The following MIPOL1 variants were observed in gnomAD, a reference collection of about 807,000 sequenced individuals.
MIPOL1 encodes the protein mirror-image polydactyly gene 1 protein.
A neutral mutation model predicts 60.9 loss-of-function variants in MIPOL1; 57 were observed. The observed-to-expected ratio is 0.94, with a 90% CI of 0.76 to 1.17. The LOEUF is 1.17. Among genes scored for constraint, MIPOL1 ranks in the 50% most tolerant of loss-of-function variants. MIPOL1 has a pLI of 0.00. For synonymous variants in MIPOL1, 179 were observed against 168.8 expected (o/e 1.06, Z -0.47); for missense variants, 551 against 511.6 (o/e 1.08, Z -0.74).
intron 11 of MIPOL1, among the ~76,000 whole-genome samples, chr14:37,434,959 C>G (rs1019464054): frequency 6.6e-6 from 1 of 151,776 alleles, no homozygotes; most frequent in Non-Finnish European, 1.5e-5. Flanking sequence ...TTAACCATCA[C>G]ACGTGCATTT....
At chr14:37,488,590 T>G (rs2094991024) in intron 11 of MIPOL1, among the ~76,000 whole-genome samples, 1 of 150,268 alleles carries the variant, frequency 6.7e-6, no homozygotes, top group African/African-American at 2.4e-5. Context: ...TTCTTTGTCC[T>G]GTACAAGTGC....
At chr14:37,228,665 ATCTT>A (rs1401186311) in intron 1 of MIPOL1, among the ~76,000 whole-genome samples, 7 of 152,206 alleles carry the variant, frequency 4.6e-5, no homozygotes, top group African/African-American at 1.7e-4. Flanking sequence ...CACTGATACT[ATCTT>A]TATCTTCTCT....
chr14:37,229,260 C>G (rs1970251628), intron 1 of MIPOL1, among the ~76,000 whole-genome samples: 1 of 152,098 alleles, frequency 6.6e-6, no homozygotes, highest in Non-Finnish European at 1.5e-5. Flanking sequence ...CTCAAGTGAT[C>G]TCTTACTGCA....
chr14:37,225,359 G>A (rs764761725), intron 1 of MIPOL1, among the ~76,000 whole-genome samples: 20 of 152,156 alleles, frequency 1.3e-4, no homozygotes, highest in Admixed American at 3.9e-4. Context: ...CCACCCTGCC[G>A]CAAACTTCTG....
intron 11 of MIPOL1, among the ~76,000 whole-genome samples, chr14:37,466,272 T>TATG (rs1186214478): frequency 6.6e-6 from 1 of 152,200 alleles, no homozygotes; most frequent in African/African-American, 2.4e-5. Context: ...TTTTCCCTCT[T>TATG]ATGTTTAAGT....
intron 9 of MIPOL1, among the ~76,000 whole-genome samples, chr14:37,322,183 T>C (rs1304101730): frequency 6.6e-6 from 1 of 151,988 alleles, no homozygotes; most frequent in African/African-American, 2.4e-5. Context: ...ATTGCAGTTA[T>C]TTTGTTTTTA....
At chr14:37,321,894 C>A (rs1476157844) in intron 9 of MIPOL1, among the ~76,000 whole-genome samples, 2 of 151,746 alleles carry the variant, frequency 1.3e-5, no homozygotes, top group Non-Finnish European at 2.9e-5. Context: ...CTTTTCCATC[C>A]TTTTCCAAGT....
Position 37,328,172 on chromosome 14 carries a change from C to T in MIPOL1, c.828+19653C>T, listed in dbSNP as rs549274329. On this transcript the variant is annotated intron_variant, in intron 9 of 12. Coordinates refer to ENST00000684589, the MANE Select transcript of MIPOL1 (RefSeq NM_001388067.1). ...GGATTACAGGTGCCCACCACCATGC[C>T]CAGCTAATTTTTTTGTATTTTTAGT... Among the ~76,000 whole-genome samples, 5 of 152,152 alleles carry T rather than the reference C, an allele frequency of 3.3e-5. No homozygotes were observed. The East Asian group carries it at 9.7e-4, about 29-fold the overall frequency.
At chr14:37,487,568 A>G (rs76956445) in intron 11 of MIPOL1, among the ~76,000 whole-genome samples, 5 of 152,228 alleles carry the variant, frequency 3.3e-5, no homozygotes, top group Middle Eastern at 3.4e-3. Context: ...AGACTTGGAA[A>G]GGTGTATGTG....
chr14:37,267,048 G>T lies in MIPOL1; in HGVS notation c.130G>T (p.Glu44Ter). 6.2e-7 allele frequency: 1 copy of T among 1,613,940 alleles called. No individual in the cohort carries two copies. ...GAAAAGTATGCATCGGAAATCCACTGAATTAGTTAATGAAATAACATGTGA... is the reference window on the plus strand; with the variant it reads ...GAAAAGTATGCATCGGAAATCCACTTAATTAGTTAATGAAATAACATGTGA... ...SEKSMHRKSTELVNEITCENT... is the reference protein window; with the variant it reads ...SEKSMHRKST The change falls in exon 4 of 13, where the codon GAA becomes TAA. Residue 44 changes from glutamate to a stop codon, truncating the protein, a stop_gained. Coordinates refer to ENST00000684589, the MANE Select transcript of MIPOL1 (RefSeq NM_001388067.1). LOFTEE classifies it high-confidence loss of function.
intron 9 of MIPOL1, among the ~76,000 whole-genome samples, chr14:37,309,210 C>T (rs1462493833): frequency 6.6e-6 from 1 of 151,600 alleles, no homozygotes; most frequent in Non-Finnish European, 1.5e-5. Flanking sequence ...TCAAGTGATC[C>T]TCCTCCCTCG....
chr14:37,459,991 A>G (rs1451483713), intron 11 of MIPOL1, among the ~76,000 whole-genome samples: 2 of 152,062 alleles, frequency 1.3e-5, no homozygotes, highest in Non-Finnish European at 2.9e-5. Context: ...AGGCAAGAGA[A>G]TTGCTTGAAC....
chr14:37,355,729 A>G (rs1189591747), intron 9 of MIPOL1, among the ~76,000 whole-genome samples: 3 of 145,564 alleles, frequency 2.1e-5, no homozygotes, highest in East Asian at 2.1e-4. Flanking sequence ...TTCTTCATGT[A>G]GTTCTCGAGC....
In MIPOL1 at chr14:37,548,116, A is replaced by G. The variant is rs2095552813; in HGVS notation, c.*1145A>G. 1 of 152,074 alleles carries G rather than the reference A, an allele frequency of 6.6e-6. No homozygotes were observed. The highest frequency in any genetic ancestry group is 1.5e-5 in the Non-Finnish European group (1 of 67,926). The allele number at this position is 152,074 out of a possible 1,614,324, so 9.4% of individuals were successfully genotyped here. ...TGCCTGGAACAGGATGAAATAGACA[A>G]GTAGAGATTTAATTAGCAAAAATTT... On this transcript the variant is annotated 3_prime_UTR_variant, in exon 13 of 13. Transcript: ENST00000684589.
chr14:37,294,727 G>T (rs6571802), intron 7 of MIPOL1, among the ~76,000 whole-genome samples: 1 of 152,146 alleles, frequency 6.6e-6, no homozygotes, highest in Non-Finnish European at 1.5e-5. Flanking sequence ...GATGAAATGA[G>T]TGAAATGAAG....
chr14:37,362,709 A>C (rs1202388217), intron 9 of MIPOL1, among the ~76,000 whole-genome samples: 4 of 152,154 alleles, frequency 2.6e-5, no homozygotes, highest in Non-Finnish European at 5.9e-5. Context: ...GTGTTTTCCA[A>C]CTTGGTTTCA....
chr14:37,437,780 A>G (rs2094185036), intron 11 of MIPOL1, among the ~76,000 whole-genome samples: 1 of 152,186 alleles, frequency 6.6e-6, no homozygotes, highest in South Asian at 2.1e-4. Context: ...ACCAAATCAA[A>G]TAATGCATGT....
intron 3 of MIPOL1, among the ~76,000 whole-genome samples, chr14:37,264,031 T>C (rs779067980): frequency 3.8e-4 from 58 of 152,290 alleles, no homozygotes; most frequent in African/African-American, 1.2e-3. Context: ...TTTAAAGTGA[T>C]GGGGCAATAC....
At chr14:37,350,154 C>T (rs1178652432) in intron 9 of MIPOL1, among the ~76,000 whole-genome samples, 1 of 152,176 alleles carries the variant, frequency 6.6e-6, no homozygotes, top group Non-Finnish European at 1.5e-5. Flanking sequence ...TCACTGTAGC[C>T]TTAAATTCCT....
Sources: allele counts gnomAD v4.1 joint callset (sites outside exome capture counted in the v4.1 genomes callset), GRCh38; gene constraint gnomAD v4.1.1; transcripts MANE v1.5; gene names NCBI Gene and HGNC (gene_info 2026-07-23, HGNC 2026-07-21).